Variants in CASP10 observed in about 807,000 individuals in gnomAD.
The protein encoded by CASP10 is caspase-10.
A neutral mutation model predicts 48.5 loss-of-function variants in CASP10; 41 were observed. The observed-to-expected ratio is 0.85, with a 90% CI of 0.66 to 1.10. CASP10 has a LOEUF of 1.10. CASP10 is among the 50% of genes least tolerant of loss of function. The probability of loss-of-function intolerance (pLI) is 0.00; values close to 1 mark genes in which losing one functional copy is unlikely to be tolerated. For synonymous variants in CASP10, 232 were observed against 238.4 expected, an observed-to-expected ratio of 0.97 and a Z score of 0.25; for missense variants, 614 against 614.5, an observed-to-expected ratio of 1.00 and a Z score of 0.01.
At chr2:201,206,380 C>T (rs1417665641) in intron 7 of CASP10, 1 of 163,588 alleles carries the variant, frequency 6.1e-6, no homozygotes, top group Non-Finnish European at 1.3e-5. Context: ...AATTTGCAAT[C>T]ACATGCTGTT....
chr2:201,229,343 A>T, exon 10 of CASP10: 1 of 530,778 alleles, frequency 1.9e-6, no homozygotes, highest in Non-Finnish European at 3.4e-6. Flanking sequence ...CGGATGGTTA[A>T]ACAATTTAAA....
In CASP10 at chr2:201,215,211, G is replaced by GTTTTTTTTTTTTTTTTTT. The variant is rs10616229; in HGVS notation, c.1416-2369_1416-2352dup. Among the ~76,000 whole-genome samples the GTTTTTTTTTTTTTTTTTT allele has an allele frequency of 3.7e-4, 11 of 29,908 alleles. 1 individual carries two copies. Among genetic ancestry groups the GTTTTTTTTTTTTTTTTTT allele is most frequent in the Non-Finnish European group, 5.7e-4 (9 of 15,690 alleles). 19.6% of individuals were successfully genotyped at this position (29,908 alleles called of 152,430 possible). On this transcript the variant is annotated intron_variant, in intron 9 of 9. Transcript: ENST00000286186. ...ATTTTGTAGGTTGTCTCTTCCCTCG[G>GTTTTTTTTTTTTTTTTTT]TTTTTTTTTTTTTTTTTTTTTTTTT...
At chr2:201,217,489 G>A (rs1384683315) in intron 9 of CASP10, 99 bp from the exon 10 acceptor site, 1 of 756,102 alleles carries the variant, frequency 1.3e-6, no homozygotes, top group East Asian at 2.7e-5. Flanking sequence ...AATCCAGGAG[G>A]TGGAGGCTGC....
Position 201,193,013 on chromosome 2 carries a change from G to C in CASP10, c.471G>C (p.Glu157Asp). The C allele has an allele frequency of 1.2e-6, 2 of 1,613,706 alleles. No individual in the cohort carries two copies. The highest frequency in any genetic ancestry group is 1.7e-6 in the Non-Finnish European group (2 of 1,179,718). The change falls in exon 4 of 10, where the codon GAG becomes GAC. Residue 157 changes from glutamate (E) to aspartate (D), a missense_variant. By Grantham distance (45) the Glu-to-Asp change is conservative (BLOSUM62 2). Coordinates refer to ENST00000286186, the MANE Select transcript of CASP10 (RefSeq NM_032977.4). ...CCCTAAGTTTCCTGGCATTTCTAGAGAAACAAGGTAAAATAGATGAAGATA... is the reference window on the plus strand; with the variant it reads ...CCCTAAGTTTCCTGGCATTTCTAGACAAACAAGGTAAAATAGATGAAGATA... ...MTSLSFLAFLEKQGKIDEDNL... is the reference protein window; with the variant it reads ...MTSLSFLAFLDKQGKIDEDNL...
At chr2:201,200,634 T>A in intron 5 of CASP10, 4 of 1,443,504 alleles carry the variant, frequency 2.8e-6, no homozygotes, top group Non-Finnish European at 2.7e-6. Context: ...TGGAGGTATT[T>A]AGGCATTTGA....
downstream of CASP10, among the ~76,000 whole-genome samples, chr2:201,224,821 T>A (rs7600266): frequency 0.059 from 8,968 of 152,256 alleles, 849 homozygotes; most frequent in African/African-American, 0.2. Flanking sequence ...AACTTTTTTC[T>A]GATTACATAG....
downstream of CASP10, chr2:201,221,748 G>C (rs112440004): frequency 1.3e-5 from 2 of 152,178 alleles, no homozygotes; most frequent in African/African-American, 4.8e-5. Flanking sequence ...TAAGTTTTGG[G>C]CCTCTGGTGT....
At chr2:201,209,976 G>C (rs1945343909) in intron 9 of CASP10, among the ~76,000 whole-genome samples, 1 of 152,228 alleles carries the variant, frequency 6.6e-6, no homozygotes, top group African/African-American at 2.4e-5. Context: ...GGTGTTATGG[G>C]AACATGCAGA....
intron 5 of CASP10, chr2:201,200,381 T>A: frequency 6.8e-7 from 1 of 1,462,350 alleles, no homozygotes; most frequent in South Asian, 1.1e-5. Context: ...CAGTATTCTC[T>A]CCACATTCGT....
rs1396125217 is a variant in CASP10 at position 201,195,933 on chromosome 2, C to G, written c.669C>G (p.Phe223Leu). Residue 223 changes from phenylalanine (F) to leucine (L), a missense_variant, in exon 5 of 10, where the codon TTC (phenylalanine) becomes TTG (leucine). Phe to Leu is a conservative substitution (Grantham distance 22). Transcript: ENST00000286186. Reference sequence around the variant, plus strand: ...TTTCCCAAACAGATGTTAAGACATTCTTGGAAGCCTTACCGGTAGGTTCAG... The same window carrying G: ...TTTCCCAAACAGATGTTAAGACATTGTTGGAAGCCTTACCGGTAGGTTCAG... ...ELVSQTDVKTFLEALPQESWQ... is the reference protein window; with the variant it reads ...ELVSQTDVKTLLEALPQESWQ... 1 of 1,612,642 alleles carries G rather than the reference C, an allele frequency of 6.2e-7. No individual in the cohort carries two copies. Among genetic ancestry groups the G allele is most frequent in the Admixed American group, 1.7e-5 (1 of 60,010 alleles).
chr2:201,221,046 A>G lies in CASP10; in HGVS notation c.*3305A>G, dbSNP rs911222498. On this transcript the variant is annotated 3_prime_UTR_variant, in exon 10 of 10. Transcript: ENST00000286186. ...CCTATGTGTGCATCTATTTAAATCT[A>G]ACTGTGCTGAGGTGCATATAAATGC... is the stretch of plus-strand genomic sequence containing the variant. The G allele has an allele frequency of 1.0e-6, 1 of 985,312 alleles. No individual in the cohort carries two copies. The highest frequency in any genetic ancestry group is 1.7e-5 in the African/African-American group (1 of 57,242). The allele number at this position is 985,312 out of a possible 1,614,324, so 61.0% of individuals were successfully genotyped here.
At chr2:201,211,681 G>C (rs1213275342) in intron 9 of CASP10, among the ~76,000 whole-genome samples, 1 of 152,102 alleles carries the variant, frequency 6.6e-6, no homozygotes. Flanking sequence ...CAGTAAACTG[G>C]GAGTGCAGAT....
intron 9 of CASP10, chr2:201,214,882 C>G (rs1945519057): frequency 6.6e-6 from 1 of 151,992 alleles, no homozygotes; most frequent in Non-Finnish European, 1.5e-5. Context: ...TTAGGTGGGA[C>G]TGATAGACTA....
At position 201,220,743 on chromosome 2, in the gene CASP10, T is replaced by C. The variant is rs941074027; in HGVS notation, c.*3002T>C. On this transcript the variant is annotated 3_prime_UTR_variant, in exon 10 of 10. Coordinates refer to ENST00000286186, the MANE Select transcript of CASP10 (RefSeq NM_032977.4). The stretch of plus-strand genomic sequence containing the variant: ...TTCCTCTTTCTTTAATTCTTACACA[T>C]GTGTCAGGATGATCTCCCAAAACCG... 3 of 985,062 alleles carry C rather than the reference T, an allele frequency of 3.0e-6. No individual in the cohort carries two copies. The African/African-American group carries it at 5.3e-5, about 17-fold the overall frequency. 61.0% of individuals were successfully genotyped at this position (985,062 alleles called of 1,614,324 possible). A position where few individuals can be genotyped will look rare whatever the true frequency, so the allele number is the denominator to read the frequency against.
At chr2:201,193,189 G>C in intron 4 of CASP10, 70 bp downstream of exon 4, 13 of 1,488,622 alleles carry the variant, frequency 8.7e-6, no homozygotes, top group Non-Finnish European at 1.2e-5. Context: ...CATGCATGAT[G>C]TTTTGATTAT....
chr2:201,209,624 T>A, intron 9 of CASP10, 62 bp downstream of exon 9: 1 of 1,510,346 alleles, frequency 6.6e-7, no homozygotes, highest in Non-Finnish European at 8.9e-7. Context: ...TTTATTTTAC[T>A]CTCATTCAAC....
chr2:201,212,966 G>A (rs1945448092), intron 9 of CASP10: 1 of 152,178 alleles, frequency 6.6e-6, no homozygotes, highest in African/African-American at 2.4e-5. Flanking sequence ...GAAAGTGCAT[G>A]CGACAGCTAT....
exon 10 of CASP10, chr2:201,229,191 T>C: frequency 7.3e-7 from 1 of 1,374,532 alleles, no homozygotes. Flanking sequence ...CTTGCGATTC[T>C]GCAGCCACAA....
intron 5 of CASP10, among the ~76,000 whole-genome samples, chr2:201,202,660 G>A (rs1945059923): frequency 2.0e-5 from 3 of 152,224 alleles, no homozygotes; most frequent in African/African-American, 7.2e-5. Flanking sequence ...AAGGCAGGAA[G>A]CCTTTTGGAA....
Sources: allele counts gnomAD v4.1 joint callset (sites outside exome capture counted in the v4.1 genomes callset), GRCh38; gene constraint gnomAD v4.1.1; transcripts MANE v1.5; gene names NCBI Gene and HGNC (gene_info 2026-07-23, HGNC 2026-07-21).